The following DIP2C variants were observed in gnomAD, a reference collection of about 807,000 sequenced individuals.
DIP2C encodes the protein DIP2 acetate--CoA ligase C (putative), also known as disco-interacting protein 2 homolog C.
In DIP2C, 33 loss-of-function variants were observed where a neutral mutation model predicts 192.4. That is an observed-to-expected ratio of 0.17 (90% CI 0.13 to 0.23). The LOEUF is 0.23. Among genes scored for constraint, DIP2C ranks in the 10% least tolerant of loss-of-function variants. The pLI, the probability that DIP2C is intolerant of heterozygous loss-of-function variation, is 1.00. For synonymous variants in DIP2C, 979 were observed against 864.1 expected, an observed-to-expected ratio of 1.13 and a Z score of -2.33; for missense variants, 1,537 against 2,110.1, an observed-to-expected ratio of 0.73 and a Z score of 5.32.
intron 28 of DIP2C, 115 bp from the exon 29 acceptor site, chr10:341,444 T>G: frequency 6.9e-7 from 1 of 1,459,660 alleles, no homozygotes; most frequent in Non-Finnish European, 9.4e-7. Context: ...CCTGACACCC[T>G]CAGACACCCG....
In DIP2C at chr10:538,843, T is replaced by C. The variant is rs185317886; in HGVS notation, c.86-52313A>G. ...CACTGGGTAATATGACTTTGAAAAA[T>C]GTGCTCACTAGCAAAAAGCAGCACA... is the stretch of plus-strand genomic sequence containing the variant. On this transcript the variant is annotated intron_variant, in intron 1 of 36. Transcript: ENST00000280886. Among the ~76,000 whole-genome samples the C allele has an allele frequency of 8.5e-5, 13 of 152,298 alleles. No homozygotes were observed. In the East Asian group the frequency reaches 2.3e-3, roughly 27 times the overall value.
At position 366,384 on chromosome 10, in the gene DIP2C, C is replaced by G; in HGVS notation, c.2159G>C (p.Gly720Ala). ...GAIMCSVKPD[G>A]VPQLCRTDEI... The stretch of plus-strand genomic sequence containing the variant: ...ATCCGTTCTGCACAGCTGAGGAACC[C>G]CGTCTGGCTTCACTGAACACATGAT... The change falls in exon 19 of 37, where the codon GGG becomes GCG. Residue 720 changes from glycine to alanine, a missense_variant. Coordinates refer to ENST00000280886, the MANE Select transcript of DIP2C (RefSeq NM_014974.3). 6.2e-7 allele frequency: 1 copy of G among 1,614,226 alleles called. No homozygotes were observed. The highest frequency in any genetic ancestry group is 1.1e-5 in the South Asian group (1 of 91,076).
intron 2 of DIP2C, among the ~76,000 whole-genome samples, chr10:474,435 C>T (rs1462996153): frequency 1.3e-5 from 2 of 152,222 alleles, no homozygotes; most frequent in African/African-American, 2.4e-5. Context: ...CCCATACCTT[C>T]CTGCCCACGA....
intron 1 of DIP2C, among the ~76,000 whole-genome samples, chr10:553,866 C>T (rs1240266065): frequency 6.9e-6 from 1 of 145,592 alleles, no homozygotes; most frequent in East Asian, 2.0e-4. Context: ...TTGTAACTAA[C>T]AGTGAACAGG....
chr10:640,664 C>A (rs1373687002), intron 1 of DIP2C, among the ~76,000 whole-genome samples: 1 of 140,636 alleles, frequency 7.1e-6, no homozygotes, highest in Non-Finnish European at 1.5e-5. Flanking sequence ...GAAGAGGGTG[C>A]GCGCGGGGAT....
At chr10:476,722 G>A (rs1843061342) in intron 2 of DIP2C, among the ~76,000 whole-genome samples, 1 of 152,196 alleles carries the variant, frequency 6.6e-6, no homozygotes, top group Admixed American at 6.5e-5. Context: ...GTGGTGTCCA[G>A]AGCCTCAATC....
intron 1 of DIP2C, among the ~76,000 whole-genome samples, chr10:604,015 A>C (rs1465870445): frequency 1.6e-3 from 103 of 65,964 alleles, no homozygotes; most frequent in South Asian, 3.0e-3. Context: ...CCACAACACC[A>C]CCCCACCCCC....
chr10:544,189 T>A (rs757945369), intron 1 of DIP2C, among the ~76,000 whole-genome samples: 1 of 151,194 alleles, frequency 6.6e-6, no homozygotes, highest in Non-Finnish European at 1.5e-5. Flanking sequence ...CCGTTCAAGG[T>A]GAGTGGAATT....
intron 1 of DIP2C, among the ~76,000 whole-genome samples, chr10:492,686 A>T (rs571361910): frequency 2.6e-5 from 4 of 152,336 alleles, no homozygotes; most frequent in African/African-American, 9.6e-5. Context: ...TGTTGCAGTA[A>T]GATCTTACTC....
chr10:485,298 C>T (rs550841848), intron 2 of DIP2C, among the ~76,000 whole-genome samples: 2 of 152,356 alleles, frequency 1.3e-5, no homozygotes, highest in South Asian at 2.1e-4. Context: ...GGGCAGCTGT[C>T]GCCCCATGGC....
At chr10:623,471 G>GAGGGATGC (rs1854001962) in intron 1 of DIP2C, among the ~76,000 whole-genome samples, 1 of 145,536 alleles carries the variant, frequency 6.9e-6, no homozygotes, top group Non-Finnish European at 1.5e-5. Flanking sequence ...GGGAGGAGGG[G>GAGGGATGC]AGGGATGCAG....
intron 8 of DIP2C, among the ~76,000 whole-genome samples, chr10:409,644 T>C (rs76577647): frequency 6.6e-6 from 1 of 152,314 alleles, no homozygotes; most frequent in Admixed American, 6.5e-5. Context: ...ACAAAGTCAC[T>C]CCCGGTGACG....
At chr10:413,767 T>A in intron 8 of DIP2C, 146 bp downstream of exon 8, 1 of 954,526 alleles carries the variant, frequency 1.0e-6, no homozygotes, top group Non-Finnish European at 1.5e-6. Flanking sequence ...CGTTCGGGAG[T>A]GGCTGCGCGA....
chr10:524,967 CAAA>C (rs10652748), intron 1 of DIP2C, among the ~76,000 whole-genome samples: 3 of 111,176 alleles, frequency 2.7e-5, no homozygotes, highest in Non-Finnish European at 5.1e-5. Flanking sequence ...ATCACAATTT[CAAA>C]AAAAAAAAAA....
intron 1 of DIP2C, among the ~76,000 whole-genome samples, chr10:586,430 C>T (rs1434561498): frequency 6.6e-6 from 1 of 152,152 alleles, no homozygotes; most frequent in African/African-American, 2.4e-5. Flanking sequence ...CTCACGCCAC[C>T]ACCCCTCACT....
At chr10:643,479 A>G (rs548979157) in intron 1 of DIP2C, among the ~76,000 whole-genome samples, 8 of 152,244 alleles carry the variant, frequency 5.3e-5, no homozygotes, top group Non-Finnish European at 1.0e-4. Flanking sequence ...GCACCACTGC[A>G]CTCCAGCCTG....
At chr10:584,271 C>T (rs144616136) in intron 1 of DIP2C, among the ~76,000 whole-genome samples, 1 of 152,356 alleles carries the variant, frequency 6.6e-6, no homozygotes, top group African/African-American at 2.4e-5. Flanking sequence ...CTTTAAACAA[C>T]CACCAGCCAT....
intron 29 of DIP2C, among the ~76,000 whole-genome samples, chr10:332,647 G>T (rs1180313526): frequency 1.3e-5 from 2 of 152,204 alleles, no homozygotes; most frequent in African/African-American, 4.8e-5. Flanking sequence ...AACCTGAGCT[G>T]TTCTTCAGAT....
chr10:316,770 C>G lies in DIP2C; in HGVS notation c.3925-6678G>C, dbSNP rs183114480. Among the ~76,000 whole-genome samples the G allele has an allele frequency of 9.2e-5, 14 of 152,312 alleles. No individual in the cohort carries two copies. In the East Asian group the frequency reaches 2.5e-3, roughly 27 times the overall value. ...AAAATGCATCCACTTTTAGGACTCC[C>G]CTGGGATTCTCATCTACCTTGCAAA... On this transcript the variant is annotated intron_variant, in intron 31 of 36. Transcript: ENST00000280886.
Sources: allele counts gnomAD v4.1 joint callset (sites outside exome capture counted in the v4.1 genomes callset), GRCh38; gene constraint gnomAD v4.1.1; transcripts MANE v1.5; gene names NCBI Gene and HGNC (gene_info 2026-07-23, HGNC 2026-07-21).